Variants in TAF1A observed in about 807,000 individuals in gnomAD.
The protein encoded by TAF1A is TATA-box binding protein associated factor, RNA polymerase I subunit A.
In TAF1A, 42 loss-of-function variants were observed where a neutral mutation model predicts 61.6. The observed-to-expected ratio is 0.68, with a 90% CI of 0.53 to 0.88. The LOEUF (loss-of-function observed/expected upper bound fraction) is 0.88. Among genes scored for constraint, TAF1A ranks in the 40% least tolerant of loss-of-function variants. The pLI is 0.00. For synonymous variants in TAF1A, 179 were observed against 177.7 expected (o/e 1.01, Z -0.06); for missense variants, 424 against 518.7 (o/e 0.82, Z 1.77).
rs528604845 is a variant in TAF1A, at chr1:222,570,353, C to T, written c.735+182G>A. Among the ~76,000 whole-genome samples, 23 of 152,196 alleles carry T rather than the reference C, an allele frequency of 1.5e-4. No individual in the cohort carries two copies. In the South Asian group the frequency reaches 3.9e-3, roughly 26 times the overall value. ...TATTTATTTTATAGATACTTGGCCA[C>T]GACGGGTTATACAGTGGTGAAAATA... On this transcript the variant is annotated intron_variant, in intron 6 of 10. Coordinates refer to ENST00000352967, the MANE Select transcript of TAF1A (RefSeq NM_005681.4).
chr1:222,575,947 C>T (rs1253469057), intron 5 of TAF1A, among the ~76,000 whole-genome samples: 1 of 152,152 alleles, frequency 6.6e-6, no homozygotes, highest in African/African-American at 2.4e-5. Flanking sequence ...GACTTTAAAA[C>T]TAACCTAATC....
At chr1:222,563,519 T>C (rs1368356350) in intron 8 of TAF1A, among the ~76,000 whole-genome samples, 3 of 152,184 alleles carry the variant, frequency 2.0e-5, no homozygotes, top group Admixed American at 1.3e-4. Flanking sequence ...AATGAGGTAA[T>C]GGTGGTGAAT....
intron 7 of TAF1A, chr1:222,569,136 G>T: frequency 1.6e-6 from 1 of 617,506 alleles, no homozygotes; most frequent in Non-Finnish European, 2.2e-6. Context: ...CGACAGAAAT[G>T]TTCTATATCA....
downstream of TAF1A, among the ~76,000 whole-genome samples, chr1:222,554,855 G>T (rs1659708993): frequency 6.6e-6 from 1 of 152,100 alleles, no homozygotes; most frequent in Non-Finnish European, 1.5e-5. Context: ...GAAGGGAATG[G>T]GGTGTTGACA....
intron 7 of TAF1A, among the ~76,000 whole-genome samples, chr1:222,565,812 C>CA (rs1660094455): frequency 6.6e-6 from 1 of 152,154 alleles, no homozygotes; most frequent in African/African-American, 2.4e-5. Context: ...CAGGGAGCCT[C>CA]ACGTGATCAT....
At chr1:222,556,472 A>G (rs1659727778), downstream of TAF1A, among the ~76,000 whole-genome samples, 1 of 152,198 alleles carries the variant, frequency 6.6e-6, no homozygotes, top group Non-Finnish European at 1.5e-5. Flanking sequence ...GCCAACACCT[A>G]TGAGCTGTGA....
intron 5 of TAF1A, 41 bp from the exon 6 acceptor site, chr1:222,570,706 T>C (rs1660315834): frequency 6.6e-7 from 1 of 1,512,662 alleles, no homozygotes; most frequent in Non-Finnish European, 8.9e-7. Context: ...CATTAAACAT[T>C]GAGGACCTCT....
chr1:222,559,489 ACTGG>A (rs1319227398), intron 10 of TAF1A, among the ~76,000 whole-genome samples: 4 of 152,222 alleles, frequency 2.6e-5, no homozygotes, highest in Admixed American at 6.5e-5. Context: ...AAAAATGTAA[ACTGG>A]ATATTGAGGT....
chr1:222,576,290 A>G (rs1452129162), intron 5 of TAF1A, among the ~76,000 whole-genome samples: 1 of 152,224 alleles, frequency 6.6e-6, no homozygotes, highest in Non-Finnish European at 1.5e-5. Flanking sequence ...AGCATTTCAG[A>G]GTATCTTGAA....
At chr1:222,555,023 T>C (rs1659710467), downstream of TAF1A, among the ~76,000 whole-genome samples, 1 of 152,142 alleles carries the variant, frequency 6.6e-6, no homozygotes. Flanking sequence ...GAAATTCAAA[T>C]TGCTAACAGG....
At position 222,588,424 on chromosome 1, in the gene TAF1A, A is replaced by G. The variant is rs772485369; in HGVS notation, c.121+19T>C. 1.9e-5 allele frequency: 31 copies of G among 1,610,096 alleles called. 1 individual carries two copies. In the Admixed American group the frequency reaches 3.5e-4, roughly 18 times the overall value. ...ACCTCCTTAAAGTTAAAATGGCTCA[A>G]TGTTATTATTTTACTTACCCACAGT... On this transcript the variant is annotated intron_variant, in intron 2 of 10. Coordinates refer to ENST00000352967, the MANE Select transcript of TAF1A (RefSeq NM_005681.4).
downstream of TAF1A, among the ~76,000 whole-genome samples, chr1:222,557,221 C>T (rs1659740361): frequency 6.6e-6 from 1 of 152,164 alleles, no homozygotes; most frequent in Non-Finnish European, 1.5e-5. Context: ...GTTATTCCAG[C>T]AGTAAATGTA....
downstream of TAF1A, among the ~76,000 whole-genome samples, chr1:222,555,233 T>C (rs552389323): frequency 2.1e-4 from 32 of 152,138 alleles, no homozygotes; most frequent in African/African-American, 7.5e-4. Flanking sequence ...CCCCAAAAAA[T>C]TGAAAATAGA....
intron 5 of TAF1A, among the ~76,000 whole-genome samples, chr1:222,575,790 T>C (rs1660547636): frequency 6.6e-6 from 1 of 152,220 alleles, no homozygotes; most frequent in South Asian, 2.1e-4. Context: ...TCATCATCTA[T>C]TGTTGCTACA....
intron 10 of TAF1A, 43 bp downstream of exon 10, chr1:222,561,320 TC>T (rs149239943): frequency 0.14 from 218,312 of 1,558,386 alleles, 16,249 homozygotes; most frequent in Middle Eastern, 0.17. Flanking sequence ...AATTTCAAAA[TC>T]AGCCAAAGCT....
intron 3 of TAF1A, among the ~76,000 whole-genome samples, chr1:222,583,234 T>C (rs1660863323): frequency 1.3e-5 from 2 of 151,890 alleles, no homozygotes; most frequent in Non-Finnish European, 2.9e-5. Flanking sequence ...TGGCTGCCAG[T>C]GTCCGGCAGC....
At chr1:222,561,304 C>T in intron 10 of TAF1A, 60 bp downstream of exon 10, 1 of 1,534,162 alleles carries the variant, frequency 6.5e-7, no homozygotes, top group Non-Finnish European at 8.8e-7. Flanking sequence ...GAAGGCCATA[C>T]TTCATAATTT....
At chr1:222,570,184 A>G (rs1660292082) in intron 6 of TAF1A, among the ~76,000 whole-genome samples, 1 of 152,174 alleles carries the variant, frequency 6.6e-6, no homozygotes, top group Non-Finnish European at 1.5e-5. Flanking sequence ...AAAAGCCATC[A>G]TTCTTCACCT....
At chr1:222,583,015 C>A (rs999112553) in intron 3 of TAF1A, among the ~76,000 whole-genome samples, 1 of 152,040 alleles carries the variant, frequency 6.6e-6, no homozygotes, top group African/African-American at 2.4e-5. Context: ...GAAACCCAGT[C>A]TCCACTAAAA....
Sources: allele counts gnomAD v4.1 joint callset (sites outside exome capture counted in the v4.1 genomes callset), GRCh38; gene constraint gnomAD v4.1.1; transcripts MANE v1.5; gene names NCBI Gene and HGNC (gene_info 2026-07-23, HGNC 2026-07-21).